ZBTB38: variants seen among roughly 807,000 people sequenced by gnomAD.
ZBTB38 encodes zinc finger and BTB domain-containing protein 38.
A neutral mutation model predicts 76.8 loss-of-function variants in ZBTB38; 20 were observed. The observed-to-expected ratio is 0.26, with a 90% CI of 0.18 to 0.38. The LOEUF (loss-of-function observed/expected upper bound fraction) is 0.38. Among genes scored for constraint, ZBTB38 ranks in the 10% least tolerant of loss-of-function variants. The pLI, the probability that ZBTB38 is intolerant of heterozygous loss-of-function variation, is 1.00. For synonymous variants in ZBTB38, 504 were observed against 544.2 expected, an observed-to-expected ratio of 0.93 and a Z score of 1.03; for missense variants, 1,082 against 1,482.3, an observed-to-expected ratio of 0.73 and a Z score of 4.43.
At chr3:141,396,270 C>T (rs964940967) in intron 4 of ZBTB38, 1 of 152,448 alleles carries the variant, frequency 6.6e-6, no homozygotes, top group Non-Finnish European at 1.5e-5. Flanking sequence ...TTCACAGTGT[C>T]TTCACCTGGA....
chr3:141,444,771 G>A lies in ZBTB38; in HGVS notation c.2383G>A (p.Val795Ile). The A allele has an allele frequency of 6.2e-6, 10 of 1,614,156 alleles. No homozygotes were observed. The highest frequency in any genetic ancestry group is 8.5e-6 in the Non-Finnish European group (10 of 1,180,034). Residue 795 changes from valine (V) to isoleucine (I), a missense_variant, in exon 6 of 6, where the codon GTT becomes ATT. Physicochemically the swap from Val to Ile is conservative, Grantham distance 29. This residue lies in a region of ZBTB38 where 471 missense variants were observed against 581.0 expected (regional missense o/e 0.81). Transcript: ENST00000321464. The surrounding 1 kb of genome is among the most constrained non-coding windows in gnomAD (Gnocchi z 5.1). ...RGEIPEESNY[V>I]ADPGGSLSKT... ...AGAAATACCGGAGGAGTCAAACTAT[G>A]TTGCTGATCCTGGAGGATCACTGAG...
intron 5 of ZBTB38, among the ~76,000 whole-genome samples, chr3:141,415,835 C>T (rs1464251926): frequency 6.6e-6 from 1 of 152,166 alleles, no homozygotes; most frequent in Non-Finnish European, 1.5e-5. Context: ...TCATTCCTTT[C>T]CACCATCTCC....
rs138878619 is a variant in ZBTB38 at position 141,356,972 on chromosome 3, C to T, written c.-738-11649C>T. Among the ~76,000 whole-genome samples, 292 of 152,236 alleles carry T rather than the reference C, an allele frequency of 1.9e-3. 4 individuals are homozygous for T. The highest frequency in any genetic ancestry group is 6.7e-3 in the African/African-American group (279 of 41,544). On this transcript the variant is annotated intron_variant, in intron 1 of 7. Transcript: ENST00000509842. Reference sequence around the variant, plus strand: ...TGTTCATTGCAGAAAATAATTAGATCACTACCAAATTGCTGTCTTCAAAAT... The same window carrying T: ...TGTTCATTGCAGAAAATAATTAGATTACTACCAAATTGCTGTCTTCAAAAT...
At chr3:141,419,177 G>T (rs950756790) in intron 5 of ZBTB38, among the ~76,000 whole-genome samples, 1 of 152,162 alleles carries the variant, frequency 6.6e-6, no homozygotes, top group Non-Finnish European at 1.5e-5. Flanking sequence ...GCAGGAGAGA[G>T]AGAGCAAAGG....
chr3:141,428,451 CTG>C (rs1425151680), intron 5 of ZBTB38, among the ~76,000 whole-genome samples: 3 of 152,210 alleles, frequency 2.0e-5, no homozygotes, highest in African/African-American at 4.8e-5. Context: ...TGAGCACTAA[CTG>C]TTAATTCATT....
intron 4 of ZBTB38, among the ~76,000 whole-genome samples, chr3:141,398,551 T>G (rs1382853581): frequency 6.6e-6 from 1 of 152,182 alleles, no homozygotes; most frequent in Non-Finnish European, 1.5e-5. Flanking sequence ...ATGAAAATCT[T>G]AAACATATGT....
intron 2 of ZBTB38, among the ~76,000 whole-genome samples, chr3:141,375,409 C>G (rs1312686177): frequency 2.0e-5 from 3 of 152,204 alleles, no homozygotes; most frequent in Admixed American, 6.5e-5. Context: ...CCTGCCTCAG[C>G]CAAGGAGCTC....
intron 5 of ZBTB38, among the ~76,000 whole-genome samples, chr3:141,406,423 C>T (rs1954450898): frequency 6.6e-6 from 1 of 152,168 alleles, no homozygotes; most frequent in African/African-American, 2.4e-5. Flanking sequence ...TCTGATGTCT[C>T]AGTGAAGGAA....
At chr3:141,369,008 A>C (rs1036195036) in intron 1 of ZBTB38, among the ~76,000 whole-genome samples, 8 of 151,492 alleles carry the variant, frequency 5.3e-5, no homozygotes, top group Non-Finnish European at 7.4e-5. Flanking sequence ...AAAAAAAAAA[A>C]AAAAACAATA....
At chr3:141,426,475 G>T (rs1205830309) in intron 5 of ZBTB38, among the ~76,000 whole-genome samples, 1 of 152,184 alleles carries the variant, frequency 6.6e-6, no homozygotes, top group Non-Finnish European at 1.5e-5. Flanking sequence ...CCAGCAGCAG[G>T]CCACAGACCC....
At chr3:141,336,421 G>T (rs547471498) in intron 1 of ZBTB38, among the ~76,000 whole-genome samples, 2 of 151,960 alleles carry the variant, frequency 1.3e-5, no homozygotes, top group African/African-American at 2.4e-5. Flanking sequence ...AACATGTGTT[G>T]GGCATCTCAG....
At position 141,443,496 on chromosome 3, in the gene ZBTB38, C is replaced by A. The variant is rs760994636; in HGVS notation, c.1108C>A (p.Pro370Thr). Reference sequence around the variant, plus strand: ...GCAGCTTCACAAGCCAACCCAGGAGCCTTTAGTGTGCAAGTATTGCAACAA... The same window carrying A: ...GCAGCTTCACAAGCCAACCCAGGAGACTTTAGTGTGCAAGTATTGCAACAA... ...HMQLHKPTQE[P>T]LVCKYCNKQF... Residue 370 changes from proline to threonine, a missense_variant, in exon 6 of 6, where the codon CCT (proline) becomes ACT (threonine). Physicochemically the swap from Pro to Thr is conservative, Grantham distance 38. This residue lies in a region of ZBTB38 where 324 missense variants were observed against 359.1 expected (regional missense o/e 0.90). Coordinates refer to ENST00000321464, the MANE Select transcript of ZBTB38 (RefSeq NM_001376113.1). The surrounding 1 kb of genome is among the most constrained non-coding windows in gnomAD (Gnocchi z 5.6). The A allele has an allele frequency of 8.1e-6, 13 of 1,614,060 alleles. No homozygotes were observed. In the African/African-American group the frequency reaches 1.3e-4, roughly 17 times the overall value.
chr3:141,393,503 A>C (rs1483119726), intron 4 of ZBTB38, among the ~76,000 whole-genome samples: 2 of 152,154 alleles, frequency 1.3e-5, no homozygotes, highest in African/African-American at 4.8e-5. Context: ...AACCTGGAGC[A>C]GGGAAAGGAA....
intron 2 of ZBTB38, among the ~76,000 whole-genome samples, chr3:141,371,113 C>T (rs1290400686): frequency 7.9e-6 from 1 of 125,918 alleles, no homozygotes; most frequent in Non-Finnish European, 1.6e-5. Flanking sequence ...AGTGCATCGG[C>T]ATGATCTCAG....
chr3:141,364,676 T>TAACAAAA (rs1943910322), upstream of ZBTB38, among the ~76,000 whole-genome samples: 1 of 43,416 alleles, frequency 2.3e-5, no homozygotes, highest in African/African-American at 5.8e-5. Context: ...AAACTACATC[T>TAACAAAA]AAAAAAAAAA....
upstream of ZBTB38, among the ~76,000 whole-genome samples, chr3:141,364,473 T>G (rs1256370600): frequency 6.8e-6 from 1 of 147,508 alleles, no homozygotes; most frequent in Non-Finnish European, 1.5e-5. Flanking sequence ...AGGTCGGGAG[T>G]TCAAGACCAG....
At chr3:141,429,243 G>A (rs145251482) in intron 5 of ZBTB38, among the ~76,000 whole-genome samples, 112 of 152,106 alleles carry the variant, frequency 7.4e-4, no homozygotes, top group Non-Finnish European at 1.3e-3. Flanking sequence ...GTTGCCTTTT[G>A]GGGGATGGTG....
rs1577579700 is a variant in ZBTB38 at position 141,445,990 on chromosome 3, GA to G, written c.*19del. The G allele has an allele frequency of 6.5e-7, 1 of 1,535,044 alleles. No individual in the cohort carries two copies. The highest frequency in any genetic ancestry group is 2.3e-5 in the East Asian group (1 of 44,018). Reference sequence around the variant, plus strand: ...GTTGTCCTTTGAGTGGCAAGAATTAGAAAAATCTTCAAAAATATAGTTGGTG... The same window carrying G: ...GTTGTCCTTTGAGTGGCAAGAATTAGAAAATCTTCAAAAATATAGTTGGTG... On this transcript the variant is annotated 3_prime_UTR_variant, in exon 6 of 6. Coordinates refer to ENST00000321464, the MANE Select transcript of ZBTB38 (RefSeq NM_001376113.1). The surrounding 1 kb of genome is among the most constrained non-coding windows in gnomAD (Gnocchi z 6.5).
Position 141,413,579 on chromosome 3 carries a change from A to G in ZBTB38, c.-1+9548A>G, listed in dbSNP as rs1428111716. 6.6e-6 allele frequency among the ~76,000 whole-genome samples: 1 copy of G among 152,162 alleles called. No individual in the cohort carries two copies. The highest frequency in any genetic ancestry group is 1.5e-5 in the Non-Finnish European group (1 of 68,028). On this transcript the variant is annotated intron_variant, in intron 5 of 5. Coordinates refer to ENST00000321464, the MANE Select transcript of ZBTB38 (RefSeq NM_001376113.1). The surrounding 1 kb of genome is among the most constrained non-coding windows in gnomAD (Gnocchi z 4.1). ...GATGGAGCATGATGTCAACTCCCAC[A>G]TACTGTAACCCAGGAAGGAGCATGA...
Sources: allele counts gnomAD v4.1 joint callset (sites outside exome capture counted in the v4.1 genomes callset), GRCh38; gene constraint gnomAD v4.1.1; regional missense constraint gnomAD v4.1.1; non-coding constraint Gnocchi (gnomAD v3.1); transcripts MANE v1.5; gene names NCBI Gene and HGNC (gene_info 2026-07-23, HGNC 2026-07-21).